SEL1L3: variants seen among roughly 807,000 people sequenced by gnomAD.
SEL1L3 encodes protein sel-1 homolog 3.
SEL1L3 carries 76 observed loss-of-function variants against 142.8 expected under a neutral mutation model. The observed-to-expected ratio is 0.53, with a 90% CI of 0.44 to 0.64. SEL1L3 has a LOEUF of 0.64. Among genes scored for constraint, SEL1L3 ranks in the 30% least tolerant of loss-of-function variants. SEL1L3 has a pLI of 0.00. For synonymous variants in SEL1L3, 504 were observed against 519.6 expected (o/e 0.97, Z 0.41); for missense variants, 1,262 against 1,381.7 (o/e 0.91, Z 1.37).
Position 25,767,697 on chromosome 4 carries a change from T to C in SEL1L3, c.2760+43A>G, listed in dbSNP as rs2290578. The stretch of plus-strand genomic sequence containing the variant: ...CTCCATAAAACCCAATTCATTATCC[T>C]TAACCTCAGAGCTTCTACTCTGAGA... On this transcript the variant is annotated intron_variant, in intron 18 of 23. Transcript: ENST00000399878. 0.22 allele frequency: 327,944 copies of C among 1,480,832 alleles called. 37,838 individuals carry two copies. The highest frequency in any genetic ancestry group is 0.32 in the Middle Eastern group (1,847 of 5,842). 91.7% of individuals were successfully genotyped at this position (1,480,832 alleles called of 1,614,324 possible).
chr4:25,816,627 C>A (rs956371281), intron 9 of SEL1L3, among the ~76,000 whole-genome samples: 4 of 152,174 alleles, frequency 2.6e-5, no homozygotes, highest in Non-Finnish European at 5.9e-5. Context: ...ACCAGAGTGA[C>A]CTCAAAATCC....
chr4:25,800,779 T>A (rs1439317518), intron 11 of SEL1L3, among the ~76,000 whole-genome samples: 1 of 152,228 alleles, frequency 6.6e-6, no homozygotes, highest in Non-Finnish European at 1.5e-5. Context: ...TCAGAAGGAA[T>A]CATTATTTTC....
At chr4:25,835,080 TGCAAAACACC>T in intron 3 of SEL1L3, 107 bp downstream of exon 3, 1 of 1,274,422 alleles carries the variant, frequency 7.8e-7, no homozygotes, top group African/African-American at 1.5e-5. Flanking sequence ...TCAACATTTT[TGCAAAACACC>T]TTACCAAGAA....
Position 25,779,221 on chromosome 4 carries a change from C to T in SEL1L3, c.2458-18G>A, listed in dbSNP as rs1719839114. On this transcript the variant is annotated intron_variant, in intron 15 of 23. Coordinates refer to ENST00000399878, the MANE Select transcript of SEL1L3 (RefSeq NM_015187.5). ...GCTAAAGTCTGTAACAAGAGATGAA[C>T]AAACATCGAGTCATCCTAGCTGGGC... The T allele has an allele frequency of 3.1e-6, 5 of 1,610,962 alleles. No individual in the cohort carries two copies. Among genetic ancestry groups the T allele is most frequent in the Non-Finnish European group, 4.2e-6 (5 of 1,178,316 alleles).
At chr4:25,818,709 A>G (rs1714558953) in intron 8 of SEL1L3, among the ~76,000 whole-genome samples, 1 of 152,212 alleles carries the variant, frequency 6.6e-6, no homozygotes, top group Admixed American at 6.5e-5. Flanking sequence ...TCCTGAGAGT[A>G]CATAAGTTAC....
At position 25,802,420 on chromosome 4, in the gene SEL1L3, G is replaced by A; in HGVS notation, c.1819C>T (p.Leu607=). 1 of 1,613,858 alleles carries A rather than the reference G, an allele frequency of 6.2e-7. No homozygotes were observed. Among genetic ancestry groups the A allele is most frequent in the Non-Finnish European group, 8.5e-7 (1 of 1,179,834 alleles). Reference sequence around the variant, plus strand: ...TTATACCCAAGATTCATTGAAGACAGCCTCTCACTCCCCTGGCCTCCAACC... The same window carrying A: ...TTATACCCAAGATTCATTGAAGACAACCTCTCACTCCCCTGGCCTCCAACC... The part of the protein sequence containing the change: ...SLVGGQGSER[L]SSMNLGYKHY... Residue 607 remains leucine, a synonymous_variant, in exon 11 of 24, where the codon CTG becomes TTG. Transcript: ENST00000399878.
chr4:25,778,295 A>C (rs1227816449), intron 16 of SEL1L3, among the ~76,000 whole-genome samples: 1 of 152,222 alleles, frequency 6.6e-6, no homozygotes, highest in African/African-American at 2.4e-5. Flanking sequence ...GTCCTGAACA[A>C]AGACTCCAGG....
intron 23 of SEL1L3, among the ~76,000 whole-genome samples, chr4:25,752,365 C>A (rs1227917863): frequency 1.0e-4 from 15 of 146,196 alleles, no homozygotes; most frequent in Non-Finnish European, 1.6e-4. Context: ...TGCAGTGAGC[C>A]GAGATAGCGC....
intron 5 of SEL1L3, 36 bp downstream of exon 5, chr4:25,832,959 C>T: frequency 7.8e-7 from 1 of 1,286,148 alleles, no homozygotes; most frequent in Non-Finnish European, 1.1e-6. Flanking sequence ...AGCGAAAATG[C>T]TCGTATGTCG....
chr4:25,841,876 CATGA>C (rs1716185808), intron 2 of SEL1L3, among the ~76,000 whole-genome samples: 1 of 152,164 alleles, frequency 6.6e-6, no homozygotes, highest in African/African-American at 2.4e-5. Flanking sequence ...AGGAGAATCG[CATGA>C]ACCTGGGAGG....
the SEL1L3 span, among the ~76,000 whole-genome samples, chr4:25,715,037 A>G: frequency 6.6e-6 from 1 of 152,216 alleles, no homozygotes; most frequent in Non-Finnish European, 1.5e-5. Context: ...TGTCACAGAC[A>G]AAGAGCTAAT....
chr4:25,743,683 G>T (rs1018217845), downstream of SEL1L3, among the ~76,000 whole-genome samples: 2 of 152,190 alleles, frequency 1.3e-5, no homozygotes, highest in Admixed American at 1.3e-4. Context: ...CTTTTCCAAA[G>T]GAGCCAATCA....
At chr4:25,760,538 T>C (rs1286361629) in intron 20 of SEL1L3, among the ~76,000 whole-genome samples, 2 of 152,186 alleles carry the variant, frequency 1.3e-5, no homozygotes, top group African/African-American at 2.4e-5. Context: ...TATTTCTCTT[T>C]GCAACCTCAC....
At chr4:25,730,591 C>G in the SEL1L3 span, among the ~76,000 whole-genome samples, 3 of 152,052 alleles carry the variant, frequency 2.0e-5, no homozygotes, top group Non-Finnish European at 4.4e-5. Context: ...TTTATACTAC[C>G]TAGTCGTTGG....
At chr4:25,858,576 TTTTGTTTGTTTG>T (rs372387427) in intron 1 of SEL1L3, among the ~76,000 whole-genome samples, 3 of 151,792 alleles carry the variant, frequency 2.0e-5, no homozygotes, top group African/African-American at 4.8e-5. Context: ...TTTTTGATTT[TTTTGTTTGTTTG>T]TTTGTTTGTT....
the SEL1L3 span, among the ~76,000 whole-genome samples, chr4:25,729,969 T>C: frequency 4.6e-5 from 7 of 152,110 alleles, no homozygotes; most frequent in Non-Finnish European, 1.0e-4. Context: ...TTCTTCTTTT[T>C]TTTGAGACAG....
At chr4:25,759,160 A>G (rs1718208162) in intron 20 of SEL1L3, 92 bp from the exon 21 acceptor site, 14 of 1,443,246 alleles carry the variant, frequency 9.7e-6, no homozygotes, top group Non-Finnish European at 1.2e-5. Flanking sequence ...TACAACCTCT[A>G]AAATTTTTTT....
chr4:25,847,259 T>G, intron 2 of SEL1L3, 35 bp downstream of exon 2: 493 of 1,534,980 alleles, frequency 3.2e-4, no homozygotes, highest in Non-Finnish European at 3.9e-4. Context: ...TCTGAAAAAA[T>G]GAGAATTAGG....
chr4:25,846,183 A>T (rs1716495909), intron 2 of SEL1L3, among the ~76,000 whole-genome samples: 1 of 152,170 alleles, frequency 6.6e-6, no homozygotes, highest in Non-Finnish European at 1.5e-5. Flanking sequence ...TCCTTGCACC[A>T]ATGGAGAGAA....
Sources: allele counts gnomAD v4.1 joint callset (sites outside exome capture counted in the v4.1 genomes callset), GRCh38; gene constraint gnomAD v4.1.1; transcripts MANE v1.5; gene names NCBI Gene and HGNC (gene_info 2026-07-23, HGNC 2026-07-21).